LANCL3: variants seen among roughly 807,000 people sequenced by gnomAD.
LANCL3 encodes LanC like family member 3.
LANCL3 carries 19 observed loss-of-function variants against 26.5 expected under a neutral mutation model. The observed-to-expected ratio is 0.72, with a 90% confidence interval of 0.50 to 1.05. LANCL3 has a LOEUF of 1.05. Ranked by LOEUF, LANCL3 falls within the 50% of genes least tolerant of loss-of-function variation. LANCL3 has a pLI of 0.00. For synonymous variants in LANCL3, 160 were observed against 166.6 expected (o/e 0.96, Z 0.30); for missense variants, 318 against 362.7 (o/e 0.88, Z 1.00).
At chrX:37,609,087 A>T (rs995242460) in intron 1 of LANCL3, among the ~76,000 whole-genome samples, 11 of 112,142 alleles carry the variant, frequency 9.8e-5, no homozygotes, top group Non-Finnish European at 2.1e-4. Flanking sequence ...TTTGGTCAGT[A>T]TTCATCAGCT....
chrX:37,653,574 A>AGAAAGAGGGGTTGATTT (rs1442716888), intron 1 of LANCL3, among the ~76,000 whole-genome samples: 5 of 112,378 alleles, frequency 4.4e-5, no homozygotes, highest in African/African-American at 1.6e-4. Flanking sequence ...CAGGTTTCTG[A>AGAAAGAGGGGTTGATTT]GAAAGAGGGG....
intron 1 of LANCL3, among the ~76,000 whole-genome samples, chrX:37,590,203 T>G (rs1347638567): frequency 1.8e-5 from 2 of 112,417 alleles, no homozygotes; most frequent in Non-Finnish European, 3.8e-5. Context: ...CAATAAGCTA[T>G]TTTTTGCTCT....
At chrX:37,600,603 A>AT (rs1304876298) in intron 1 of LANCL3, among the ~76,000 whole-genome samples, 5 of 112,343 alleles carry the variant, frequency 4.5e-5, no homozygotes, top group African/African-American at 6.5e-5. Context: ...TAGATGATGC[A>AT]TGCCTTTCAC....
chrX:37,674,351 G>A (rs1006448152), intron 4 of LANCL3, among the ~76,000 whole-genome samples: 17 of 111,820 alleles, frequency 1.5e-4, no homozygotes, highest in African/African-American at 5.5e-4. Context: ...ATGCAGAAAT[G>A]CTAGCAGTTA....
In LANCL3 at chrX:37,655,678, C is replaced by G. The variant is rs781814673; in HGVS notation, c.574-10C>G. 5.1e-6 allele frequency: 6 copies of G among 1,183,252 alleles called. No homozygotes were observed. Among genetic ancestry groups the G allele is most frequent in the Middle Eastern group, 4.7e-4 (2 of 4,256 alleles). Reference sequence around the variant, plus strand: ...TGCTTTGACTTCTACTTCTGGATTTCCTTATTCAGGTGCTGACTCCAGCAC... The same window carrying G: ...TGCTTTGACTTCTACTTCTGGATTTGCTTATTCAGGTGCTGACTCCAGCAC... On this transcript the variant is annotated splice_polypyrimidine_tract_variant and intron_variant, in intron 1 of 4. Coordinates refer to ENST00000378619, the MANE Select transcript of LANCL3 (RefSeq NM_001170331.2).
chrX:37,598,832 T>C (rs1556419742), intron 1 of LANCL3, among the ~76,000 whole-genome samples: 2 of 111,952 alleles, frequency 1.8e-5, no homozygotes, highest in Non-Finnish European at 3.8e-5. Context: ...CTTAAAAGAG[T>C]GTTCCACTTT....
chrX:37,648,651 A>G (rs965438790), intron 1 of LANCL3, among the ~76,000 whole-genome samples: 5 of 112,290 alleles, frequency 4.5e-5, no homozygotes, highest in African/African-American at 1.6e-4. Flanking sequence ...CAGCAAAAGA[A>G]ACTTTCATCA....
At chrX:37,671,751 CCAA>C (rs1462700055) in intron 4 of LANCL3, among the ~76,000 whole-genome samples, 1 of 111,865 alleles carries the variant, frequency 8.9e-6, no homozygotes, top group Non-Finnish European at 1.9e-5. Flanking sequence ...AAAGGCCCTC[CCAA>C]GTCAACTTAT....
chrX:37,572,501 C>T, intron 1 of LANCL3, 58 bp downstream of exon 1: 7 of 1,024,487 alleles, frequency 6.8e-6, no homozygotes, highest in South Asian at 2.1e-5. Context: ...CTCCTTTCCC[C>T]GGACTCCGTG....
Position 37,678,807 on chromosome X carries a change from C to A in LANCL3, c.*2994C>A, listed in dbSNP as rs910468558. ...GATAACAGTATTTGCTTACTGATAA[C>A]TTGAGAAACAGTCATTTTCTTGGTC... On this transcript the variant is annotated 3_prime_UTR_variant, in exon 5 of 5. Coordinates refer to ENST00000378619, the MANE Select transcript of LANCL3 (RefSeq NM_001170331.2). The A allele has an allele frequency of 5.8e-4, 65 of 111,347 alleles. No homozygotes were observed. The highest frequency in any genetic ancestry group is 5.7e-3 in the Admixed American group (60 of 10,454). The allele number at this position is 111,347 out of a possible 1,213,427, so 9.2% of individuals were successfully genotyped here. A position where few individuals can be genotyped will look rare whatever the true frequency, so the allele number is the denominator to read the frequency against.
intron 4 of LANCL3, among the ~76,000 whole-genome samples, chrX:37,672,055 G>A (rs1339691373): frequency 3.6e-5 from 4 of 111,685 alleles, no homozygotes; most frequent in Non-Finnish European, 7.5e-5. Flanking sequence ...CCTATAAAGC[G>A]TATTAAAAGG....
chrX:37,647,136 A>C lies in LANCL3; in HGVS notation c.574-8552A>C, dbSNP rs781826073. 2.7e-5 allele frequency among the ~76,000 whole-genome samples: 3 copies of C among 110,997 alleles called. No individual in the cohort carries two copies. In the Admixed American group the frequency reaches 2.9e-4, roughly 11 times the overall value. ...GAGACCATCCTGGCTAAGAGGGTGC[A>C]ACCCCGTCTCTACTAAAAATACAAA... On this transcript the variant is annotated intron_variant, in intron 1 of 4. Coordinates refer to ENST00000378619, the MANE Select transcript of LANCL3 (RefSeq NM_001170331.2).
intron 1 of LANCL3, among the ~76,000 whole-genome samples, chrX:37,591,185 A>G (rs1924263227): frequency 9.0e-6 from 1 of 111,694 alleles, no homozygotes; most frequent in Admixed American, 9.5e-5. Flanking sequence ...AAGTAGTAGA[A>G]CCCACGTTTG....
At chrX:37,640,376 A>C (rs1236375257) in intron 1 of LANCL3, among the ~76,000 whole-genome samples, 3 of 111,098 alleles carry the variant, frequency 2.7e-5, no homozygotes, top group African/African-American at 9.8e-5. Context: ...TCTCCTGAAA[A>C]CTGAGATCTG....
chrX:37,572,269 C>G lies in LANCL3; in HGVS notation c.399C>G (p.Leu133=), dbSNP rs1259127308. ...GGAGVYAVAT[L]VYHALGRSDY... is the part of the protein sequence containing the mutation. ...CGGGCGTGTACGCCGTGGCCACGCT[C>G]GTATACCACGCCCTGGGCCGGTCCG... Residue 133 remains leucine (L), a synonymous_variant, in exon 1 of 5, where the codon CTC becomes CTG. Transcript: ENST00000378619. The G allele has an allele frequency of 8.7e-7, 1 of 1,152,290 alleles. No individual in the cohort carries two copies. Among genetic ancestry groups the G allele is most frequent in the African/African-American group, 1.8e-5 (1 of 55,736 alleles). The allele number at this position is 1,152,290 out of a possible 1,213,427, so 95.0% of individuals were successfully genotyped here.
intron 1 of LANCL3, among the ~76,000 whole-genome samples, chrX:37,590,691 A>T (rs1924247247): frequency 8.9e-6 from 1 of 112,169 alleles, no homozygotes; most frequent in South Asian, 3.7e-4. Context: ...AGCTCTGCTT[A>T]TGATCTTCAG....
intron 3 of LANCL3, among the ~76,000 whole-genome samples, chrX:37,663,191 C>T (rs1006420755): frequency 2.2e-4 from 25 of 112,572 alleles, no homozygotes; most frequent in African/African-American, 8.1e-4. Flanking sequence ...CAAAAGTGAA[C>T]AACATACAGT....
rs782025151 is a variant in LANCL3, at chrX:37,679,824, C to T, written c.*4011C>T. ...GGGTGAGGGGAAGCTTGCTGAAGCT[C>T]AGTATCTCAAAGTGAGTTGTGGATG... On this transcript the variant is annotated 3_prime_UTR_variant, in exon 5 of 5. Transcript: ENST00000378619. 1 of 111,055 alleles carries T rather than the reference C, an allele frequency of 9.0e-6. No homozygotes were observed. The highest frequency in any genetic ancestry group is 3.9e-4 in the South Asian group (1 of 2,578). 9.2% of individuals were successfully genotyped at this position (111,055 alleles called of 1,213,427 possible). A position where few individuals can be genotyped will look rare whatever the true frequency, so the allele number is the denominator to read the frequency against.
intron 1 of LANCL3, among the ~76,000 whole-genome samples, chrX:37,640,350 C>A (rs1925831830): frequency 9.0e-6 from 1 of 111,293 alleles, no homozygotes; most frequent in African/African-American, 3.3e-5. Flanking sequence ...AAGTACCTCA[C>A]TTTTAAACCA....
Sources: allele counts gnomAD v4.1 joint callset (sites outside exome capture counted in the v4.1 genomes callset), GRCh38; gene constraint gnomAD v4.1.1; transcripts MANE v1.5; gene names NCBI Gene and HGNC (gene_info 2026-07-23, HGNC 2026-07-21).